The following TBC1D9 variants were observed in gnomAD, a reference collection of about 807,000 sequenced individuals.
TBC1D9 encodes TBC1 domain family member 9A.
A neutral mutation model predicts 132.0 loss-of-function variants in TBC1D9; 63 were observed. That is an observed-to-expected ratio of 0.48 (90% CI 0.39 to 0.59). TBC1D9 has a LOEUF of 0.59. Among genes scored for constraint, TBC1D9 ranks in the 20% least tolerant of loss-of-function variants. TBC1D9 has a pLI of 0.00. For synonymous variants in TBC1D9, 610 were observed against 609.9 expected (o/e 1.00, Z 0.00); for missense variants, 1,261 against 1,592.7 (o/e 0.79, Z 3.54).
intron 13 of TBC1D9, chr4:140,645,080 C>T: frequency 1.9e-6 from 1 of 521,296 alleles, no homozygotes; most frequent in South Asian, 1.5e-5. Flanking sequence ...GCACTGGGCC[C>T]CAGGTCACCA....
chr4:140,734,256 G>A (rs1738640931), intron 1 of TBC1D9, among the ~76,000 whole-genome samples: 1 of 152,106 alleles, frequency 6.6e-6, no homozygotes, highest in Non-Finnish European at 1.5e-5. Context: ...AGTCTCCCGA[G>A]TAGCTGGAAC....
Position 140,622,214 on chromosome 4 carries a change from A to G in TBC1D9, c.3782T>C (p.Ile1261Thr). The part of the protein sequence containing the change: ...KPLTSASDYE[I>T]SAMSG ...CCCGTGTCAGCCGGACATGGCCGAG[A>G]TTTCATAGTCACTGGCCGAGGTGAG... Residue 1261 changes from isoleucine (I) to threonine (T), a missense_variant, in exon 21 of 21, where the codon ATC (isoleucine) becomes ACC (threonine). Ile to Thr is a moderately conservative substitution (Grantham distance 89, BLOSUM62 -1). Coordinates refer to ENST00000442267, the MANE Select transcript of TBC1D9 (RefSeq NM_015130.3). 34 of 1,584,306 alleles carry G rather than the reference A, an allele frequency of 2.1e-5. No individual in the cohort carries two copies. The highest frequency in any genetic ancestry group is 2.9e-5 in the Non-Finnish European group (34 of 1,156,388).
At chr4:140,736,007 A>T (rs1738668121) in intron 1 of TBC1D9, among the ~76,000 whole-genome samples, 3 of 152,204 alleles carry the variant, frequency 2.0e-5, no homozygotes, top group Admixed American at 2.0e-4. Context: ...GGGCAAACAC[A>T]CCCTGAAACT....
intron 1 of TBC1D9, among the ~76,000 whole-genome samples, chr4:140,747,333 CAG>C (rs1738852214): frequency 6.7e-6 from 1 of 149,320 alleles, no homozygotes; most frequent in Non-Finnish European, 1.5e-5. Context: ...GCCTGGATGA[CAG>C]AGAGAGACTC....
Position 140,679,688 on chromosome 4 carries a change from C to A in TBC1D9, c.516G>T (p.Lys172Asn). The change falls in exon 4 of 21, where the codon AAG becomes AAT. Residue 172 changes from lysine (K) to asparagine (N), a missense_variant. By Grantham distance (94) the Lys-to-Asn change is moderately conservative (BLOSUM62 0). Coordinates refer to ENST00000442267, the MANE Select transcript of TBC1D9 (RefSeq NM_015130.3). ...GGTACATCCAACCCTGACGGGGGAC[C>A]TTCCCCTTCCAATAGCTGCAAGAGT... The part of the protein sequence containing the change: ...NYYSCSYWKG[K>N]VPRQGWMYLS... 1.9e-6 allele frequency: 3 copies of A among 1,613,812 alleles called. No homozygotes were observed. The highest frequency in any genetic ancestry group is 2.5e-6 in the Non-Finnish European group (3 of 1,179,834).
chr4:140,731,900 A>G (rs1738599509), intron 1 of TBC1D9, among the ~76,000 whole-genome samples: 2 of 152,170 alleles, frequency 1.3e-5, no homozygotes, highest in Non-Finnish European at 2.9e-5. Flanking sequence ...TAACTGGTAT[A>G]TTGGTGTTCC....
rs376645739 is a variant in TBC1D9 at position 140,657,081 on chromosome 4, A to T, written c.2337+16T>A. 58 of 1,612,368 alleles carry T rather than the reference A, an allele frequency of 3.6e-5. No individual in the cohort carries two copies. The highest frequency in any genetic ancestry group is 4.7e-5 in the Non-Finnish European group (56 of 1,179,420). On this transcript the variant is annotated intron_variant, in intron 13 of 20. Transcript: ENST00000442267. Reference sequence around the variant, plus strand: ...ATGCATGGTTAAGCCCTGCTCAGCCAGGAGACAAGACCTACCTCGTAGGAA... The same window carrying T: ...ATGCATGGTTAAGCCCTGCTCAGCCTGGAGACAAGACCTACCTCGTAGGAA...
intron 16 of TBC1D9, among the ~76,000 whole-genome samples, chr4:140,631,233 G>C (rs1448438328): frequency 6.6e-6 from 1 of 152,110 alleles, no homozygotes; most frequent in African/African-American, 2.4e-5. Context: ...TCATTTCTTT[G>C]TTTGTTTGAG....
chr4:140,626,714 C>T (rs1399802219), intron 18 of TBC1D9, among the ~76,000 whole-genome samples: 7 of 152,152 alleles, frequency 4.6e-5, no homozygotes. Flanking sequence ...AGTTGAATCA[C>T]ATCTTTGTAG....
chr4:140,639,422 C>T lies in TBC1D9; in HGVS notation c.2344G>A (p.Gly782Arg), dbSNP rs754205691. ...RLIRTSYEKFGTIRADLIEQM... is the reference protein window; with the variant it reads ...RLIRTSYEKFRTIRADLIEQM... ...TCAATCAAATCTGCCCGGATAGTTCCGAATTTCTGTAAAGGAGCAATATTG... is the reference window on the plus strand; with the variant it reads ...TCAATCAAATCTGCCCGGATAGTTCTGAATTTCTGTAAAGGAGCAATATTG... Residue 782 changes from glycine to arginine, a missense_variant, in exon 14 of 21, where the codon GGA becomes AGA. Gly to Arg is a moderately radical substitution (Grantham distance 125). This residue lies in a region of TBC1D9 where 618 missense variants were observed against 724.4 expected (regional missense o/e 0.85). Coordinates refer to ENST00000442267, the MANE Select transcript of TBC1D9 (RefSeq NM_015130.3). 12 of 1,608,574 alleles carry T rather than the reference C, an allele frequency of 7.5e-6. No homozygotes were observed. Among genetic ancestry groups the T allele is most frequent in the African/African-American group, 1.3e-5 (1 of 74,850 alleles).
intron 1 of TBC1D9, among the ~76,000 whole-genome samples, chr4:140,749,220 TAA>T (rs879624562): frequency 7.3e-6 from 1 of 136,518 alleles, no homozygotes. Flanking sequence ...AAATAAAAGG[TAA>T]AAAAAAAAAG....
Position 140,670,785 on chromosome 4 carries a change from G to C in TBC1D9, c.1201C>G (p.Gln401Glu), listed in dbSNP as rs1277229372. 9.9e-6 allele frequency: 16 copies of C among 1,613,878 alleles called. No individual in the cohort carries two copies. Among genetic ancestry groups the C allele is most frequent in the Middle Eastern group, 1.6e-4 (1 of 6,084 alleles). Residue 401 changes from glutamine to glutamate, a missense_variant, in exon 7 of 21, where the codon CAG becomes GAG. By Grantham distance (29) the Gln-to-Glu change is conservative (BLOSUM62 2). Around this residue, in one of 3 missense-constraint regions of TBC1D9, gnomAD observed 550 missense variants for 699.0 expected, o/e 0.79. Coordinates refer to ENST00000442267, the MANE Select transcript of TBC1D9 (RefSeq NM_015130.3). Reference sequence around the variant, plus strand: ...TCAGAATATATTTTGGAAGTAGTCTGTTGCAGGAAATCTGAGATCCTCTGC... The same window carrying C: ...TCAGAATATATTTTGGAAGTAGTCTCTTGCAGGAAATCTGAGATCCTCTGC... ...LVQRISDFLQ[Q>E]TTSKIYSDKE...
intron 13 of TBC1D9, chr4:140,644,186 C>A: frequency 2.9e-6 from 1 of 340,292 alleles, no homozygotes; most frequent in Middle Eastern, 4.1e-4. Context: ...GGAACGGATA[C>A]CTGGGCGGCA....
intron 2 of TBC1D9, among the ~76,000 whole-genome samples, chr4:140,687,343 C>CATATATATATATATATAT (rs200090051): frequency 1.6e-4 from 6 of 37,902 alleles, no homozygotes; most frequent in Admixed American, 3.7e-4. Context: ...GTGTGTGTGT[C>CATATATATATATATATAT]ATATATATAT....
intron 1 of TBC1D9, among the ~76,000 whole-genome samples, chr4:140,751,270 A>G (rs1424611766): frequency 3.3e-5 from 5 of 152,214 alleles, no homozygotes; most frequent in Non-Finnish European, 7.4e-5. Flanking sequence ...AAAACCCAAA[A>G]CAGACCCACA....
intron 1 of TBC1D9, among the ~76,000 whole-genome samples, chr4:140,720,718 G>C (rs763661942): frequency 1.3e-5 from 2 of 152,194 alleles, no homozygotes; most frequent in African/African-American, 4.8e-5. Flanking sequence ...ATTTCTGTTA[G>C]GGGAAAGGCT....
chr4:140,622,927 G>A lies in TBC1D9; in HGVS notation c.3079-10C>T, dbSNP rs368731643. On this transcript the variant is annotated splice_polypyrimidine_tract_variant and intron_variant, in intron 20 of 20. Coordinates refer to ENST00000442267, the MANE Select transcript of TBC1D9 (RefSeq NM_015130.3). Reference sequence around the variant, plus strand: ...GTTCAATGAACTGCCCCTGAAAAGCGATTTGGAAAAACACAATGTGAAATC... The same window carrying A: ...GTTCAATGAACTGCCCCTGAAAAGCAATTTGGAAAAACACAATGTGAAATC... 3.3e-5 allele frequency: 49 copies of A among 1,504,492 alleles called. No homozygotes were observed. Among genetic ancestry groups the A allele is most frequent in the Non-Finnish European group, 4.2e-5 (47 of 1,126,744 alleles). 93.2% of individuals were successfully genotyped at this position (1,504,492 alleles called of 1,614,324 possible).
chr4:140,701,209 C>G (rs1332363726), intron 2 of TBC1D9, among the ~76,000 whole-genome samples: 1 of 152,140 alleles, frequency 6.6e-6, no homozygotes, highest in South Asian at 2.1e-4. Flanking sequence ...CAGATGTGCT[C>G]CACCCTCACA....
chr4:140,687,361 T>C (rs1327910737), intron 2 of TBC1D9, among the ~76,000 whole-genome samples: 1 of 64,412 alleles, frequency 1.6e-5, no homozygotes, highest in Non-Finnish European at 3.3e-5. Flanking sequence ...TATATATATA[T>C]ATATATATAT....
Sources: gnomAD v4.1 joint callset for allele counts (sites outside exome capture counted in the v4.1 genomes callset) on GRCh38, gnomAD v4.1.1 for gene constraint, gnomAD v4.1.1 regional missense constraint, MANE v1.5 for transcripts, NCBI Gene and HGNC (gene_info 2026-07-23, HGNC 2026-07-21) for gene names.